The following XRN1 variants were observed in gnomAD, a reference collection of about 807,000 sequenced individuals.
XRN1 encodes 5'-3' exoribonuclease 1.
In XRN1, 67 loss-of-function variants were observed where a neutral mutation model predicts 222.3. That is an observed-to-expected ratio of 0.30 (90% CI 0.25 to 0.37). The LOEUF (loss-of-function observed/expected upper bound fraction) is 0.37. Among genes scored for constraint, XRN1 ranks in the 10% least tolerant of loss-of-function variants. XRN1 has a pLI of 1.00. For synonymous variants in XRN1, 643 were observed against 652.4 expected (o/e 0.99, Z 0.22); for missense variants, 1,707 against 2,000.2 (o/e 0.85, Z 2.80).
intron 13 of XRN1, 178 bp from the exon 14 acceptor site, chr3:142,414,469 C>A: frequency 2.3e-6 from 1 of 428,088 alleles, no homozygotes; most frequent in East Asian, 3.9e-5. Flanking sequence ...TTAGGTCATC[C>A]GATGGCAACA....
chr3:142,405,849 G>A (rs1405575827), intron 15 of XRN1, among the ~76,000 whole-genome samples: 1 of 151,812 alleles, frequency 6.6e-6, no homozygotes, highest in Non-Finnish European at 1.5e-5. Flanking sequence ...AATAACAAAT[G>A]TATCAGAAGA....
intron 2 of XRN1, among the ~76,000 whole-genome samples, chr3:142,428,488 A>G (rs984890864): frequency 6.6e-6 from 1 of 152,208 alleles, no homozygotes; most frequent in Admixed American, 6.5e-5. Context: ...ATCTGGATGC[A>G]ATAAAGAAAA....
At chr3:142,315,081 C>T (rs1440979475) in intron 39 of XRN1, among the ~76,000 whole-genome samples, 1 of 150,984 alleles carries the variant, frequency 6.6e-6, no homozygotes, top group South Asian at 2.1e-4. Context: ...ACTACAGGCA[C>T]ATGGCACCAC....
At chr3:142,400,385 G>A in intron 19 of XRN1, 59 bp downstream of exon 19, 1 of 1,343,580 alleles carries the variant, frequency 7.4e-7, no homozygotes, top group Non-Finnish European at 1.0e-6. Flanking sequence ...ATCAATAAAA[G>A]CCATCAAAGT....
At chr3:142,325,576 G>A (rs1404175662) in intron 37 of XRN1, among the ~76,000 whole-genome samples, 4 of 151,548 alleles carry the variant, frequency 2.6e-5, no homozygotes, top group African/African-American at 7.3e-5. Flanking sequence ...TTAATATCTT[G>A]TCAGATGGGT....
chr3:142,445,397 C>T (rs1253729794), intron 1 of XRN1, among the ~76,000 whole-genome samples: 1 of 152,116 alleles, frequency 6.6e-6, no homozygotes, highest in Admixed American at 6.5e-5. Context: ...TGGAGAGATA[C>T]TCTGTCCCTT....
Position 142,425,215 on chromosome 3 carries a change from T to C in XRN1, c.627+7A>G, listed in dbSNP as rs1158847165. ...CATAAGTTTATAATAATAAAAATTA[T>C]ACCTACCAAGTCAGCATCTAAACCA... On this transcript the variant is annotated splice_region_variant and intron_variant, in intron 5 of 40. Coordinates refer to ENST00000392981, the MANE Select transcript of XRN1 (RefSeq NM_001282857.2). 1.3e-6 allele frequency: 2 copies of C among 1,536,962 alleles called. No individual in the cohort carries two copies. Among genetic ancestry groups the C allele is most frequent in the Admixed American group, 2.1e-5 (1 of 47,180 alleles).
At chr3:142,355,073 A>G (rs1397908593) in intron 32 of XRN1, among the ~76,000 whole-genome samples, 1 of 142,320 alleles carries the variant, frequency 7.0e-6, no homozygotes, top group Non-Finnish European at 1.5e-5. Flanking sequence ...GGGGGTTACT[A>G]CAGATGGGGG....
In XRN1 at chr3:142,421,523, G is replaced by A. The variant is rs774268886; in HGVS notation, c.988C>T (p.His330Tyr). The A allele has an allele frequency of 4.4e-6, 7 of 1,608,750 alleles. No homozygotes were observed. In the East Asian group the frequency reaches 1.1e-4, roughly 26 times the overall value. The change falls in exon 9 of 41, where the codon CAC becomes TAC. Residue 330 changes from histidine to tyrosine, a missense_variant. By Grantham distance (83) the His-to-Tyr change is moderately conservative. Coordinates refer to ENST00000392981, the MANE Select transcript of XRN1 (RefSeq NM_001282857.2). ...TTCTCAAATCGAGGTAAGTTGAGGT[G>A]CCCACTTTCATTAATATAACCTAAA... Reference protein sequence around the residue: ...ELGGYINESGHLNLPRFEKYL... With the variant: ...ELGGYINESGYLNLPRFEKYL...
At chr3:142,314,904 C>CAAAAAA (rs776430519) in intron 39 of XRN1, among the ~76,000 whole-genome samples, 2 of 22,298 alleles carry the variant, frequency 9.0e-5, no homozygotes, top group African/African-American at 1.1e-4. Flanking sequence ...GACTCTGTCT[C>CAAAAAA]AAAAAAAAAA....
At chr3:142,434,352 T>A (rs2069773093) in intron 1 of XRN1, among the ~76,000 whole-genome samples, 1 of 152,002 alleles carries the variant, frequency 6.6e-6, no homozygotes, top group African/African-American at 2.4e-5. Context: ...ATATCTTTTG[T>A]ATGAAAAAAT....
chr3:142,423,620 T>C lies in XRN1; in HGVS notation c.650A>G (p.His217Arg). The C allele has an allele frequency of 6.3e-7, 1 of 1,595,192 alleles. No individual in the cohort carries two copies. Among genetic ancestry groups the C allele is most frequent in the Non-Finnish European group, 8.5e-7 (1 of 1,173,470 alleles). ...TCTTAAGAGAGAAAAATGTGCCTCA[T>C]GACTTGTTAATCCAAGCATAATCTG... Reference protein sequence around the residue: ...ADLIMLGLTSHEAHFSLLREE... With the variant: ...ADLIMLGLTSREAHFSLLREE... Residue 217 changes from histidine (H) to arginine (R), a missense_variant, in exon 6 of 41, where the codon CAT (histidine) becomes CGT (arginine). By Grantham distance (29) the His-to-Arg change is conservative. Coordinates refer to ENST00000392981, the MANE Select transcript of XRN1 (RefSeq NM_001282857.2).
intron 5 of XRN1, among the ~76,000 whole-genome samples, chr3:142,424,195 G>T (rs1372276272): frequency 6.6e-6 from 1 of 152,080 alleles, no homozygotes; most frequent in Non-Finnish European, 1.5e-5. Flanking sequence ...CCAGGTTCAA[G>T]CAATTCTCCC....
chr3:142,315,136 A>G (rs1483807027), intron 39 of XRN1, among the ~76,000 whole-genome samples: 1 of 151,530 alleles, frequency 6.6e-6, no homozygotes, highest in Non-Finnish European at 1.5e-5. Context: ...AGGTCTCCCT[A>G]TGTTGCCTAG....
rs757480718 is a variant in XRN1 at position 142,418,627 on chromosome 3, A to T, written c.1241-18T>A. The T allele has an allele frequency of 1.3e-6, 2 of 1,562,182 alleles. No individual in the cohort carries two copies. Among genetic ancestry groups the T allele is most frequent in the Non-Finnish European group, 1.7e-6 (2 of 1,147,050 alleles). On this transcript the variant is annotated intron_variant, in intron 11 of 40. Coordinates refer to ENST00000392981, the MANE Select transcript of XRN1 (RefSeq NM_001282857.2). ...TAAATTATCTGGGGAAAAAAGTCAG[A>T]AAGATAGTGACTGACAATTATGAAT... is the stretch of plus-strand genomic sequence containing the variant.
chr3:142,411,998 A>AT (rs1337131679), intron 15 of XRN1, among the ~76,000 whole-genome samples: 1 of 151,194 alleles, frequency 6.6e-6, no homozygotes, highest in African/African-American at 2.4e-5. Flanking sequence ...AATTTTTTGT[A>AT]TTTTTTTAGT....
chr3:142,346,902 C>A (rs1045143111), intron 33 of XRN1, among the ~76,000 whole-genome samples: 2 of 152,114 alleles, frequency 1.3e-5, no homozygotes, highest in African/African-American at 4.8e-5. Flanking sequence ...GTGAAAGAAG[C>A]CAGTCATAAA....
intron 25 of XRN1, among the ~76,000 whole-genome samples, chr3:142,373,181 A>G (rs890911030): frequency 2.4e-4 from 36 of 152,290 alleles, no homozygotes; most frequent in Admixed American, 5.2e-4. Flanking sequence ...CATTCACTGT[A>G]AGAACAAGAT....
intron 39 of XRN1, 74 bp downstream of exon 39, chr3:142,318,518 T>G: frequency 4.5e-6 from 6 of 1,321,872 alleles, no homozygotes; most frequent in Non-Finnish European, 6.3e-6. Flanking sequence ...TTTGAGTACA[T>G]TCTTGATTTC....
Sources: gnomAD v4.1 joint callset for allele counts (sites outside exome capture counted in the v4.1 genomes callset) on GRCh38, gnomAD v4.1.1 for gene constraint, MANE v1.5 for transcripts, NCBI Gene and HGNC (gene_info 2026-07-23, HGNC 2026-07-21) for gene names.